The following VSNL1 variants were observed in gnomAD, a reference collection of about 807,000 sequenced individuals.
VSNL1 encodes the protein visinin-like protein 1.
In VSNL1, 6 loss-of-function variants were observed where a neutral mutation model predicts 20.4. That is an observed-to-expected ratio of 0.29 (90% CI 0.16 to 0.58). The LOEUF (loss-of-function observed/expected upper bound fraction) is 0.58, where lower values mean the gene tolerates loss of function less well. VSNL1 is among the 20% of genes least tolerant of loss of function. The pLI is 0.90. For missense variants in VSNL1, 100 were observed against 234.5 expected (o/e 0.43, Z 3.75); for synonymous variants, 93 against 86.4 (o/e 1.08, Z -0.42).
intron 2 of VSNL1, among the ~76,000 whole-genome samples, chr2:17,641,675 T>C (rs905144782): frequency 3.9e-5 from 6 of 152,200 alleles, no homozygotes; most frequent in African/African-American, 1.4e-4. Context: ...TCTGTGACAT[T>C]TCCAATGGAG....
At chr2:17,572,146 G>A (rs1055211088) in intron 1 of VSNL1, among the ~76,000 whole-genome samples, 23 of 152,140 alleles carry the variant, frequency 1.5e-4, no homozygotes, top group African/African-American at 5.3e-4. Flanking sequence ...CACTCTCAAA[G>A]TATGCTTTTT....
intron 1 of VSNL1, among the ~76,000 whole-genome samples, chr2:17,582,734 G>T (rs1664379731): frequency 6.6e-6 from 1 of 151,958 alleles, no homozygotes; most frequent in East Asian, 2.0e-4. Context: ...TGTTTGCATA[G>T]TATGTTGAGT....
At chr2:17,567,408 G>C (rs1041854000) in intron 1 of VSNL1, 1 of 140,488 alleles carries the variant, frequency 7.1e-6, no homozygotes, top group Non-Finnish European at 1.5e-5. Flanking sequence ...GCCCAGGCTG[G>C]AGTGCGGTGG....
chr2:17,584,155 T>C (rs1664413805), intron 1 of VSNL1, among the ~76,000 whole-genome samples: 1 of 152,126 alleles, frequency 6.6e-6, no homozygotes, highest in Non-Finnish European at 1.5e-5. Context: ...ACCCTAAGAC[T>C]GACTCCAGCA....
intron 2 of VSNL1, among the ~76,000 whole-genome samples, chr2:17,624,315 T>C (rs1665453737): frequency 6.6e-6 from 1 of 152,234 alleles, no homozygotes; most frequent in African/African-American, 2.4e-5. Context: ...CTCATCTCTC[T>C]GTGCCTTTTG....
At chr2:17,581,347 T>G (rs993044923) in intron 1 of VSNL1, among the ~76,000 whole-genome samples, 1 of 152,192 alleles carries the variant, frequency 6.6e-6, no homozygotes, top group Admixed American at 6.5e-5. Flanking sequence ...ATTTGTACAT[T>G]TGTGTGTTTT....
At chr2:17,546,023 G>A (rs1663398136) in intron 1 of VSNL1, 1 of 151,778 alleles carries the variant, frequency 6.6e-6, no homozygotes, top group South Asian at 2.1e-4. Context: ...ATTATTTCCA[G>A]GTGAGCATTC....
At position 17,649,486 on chromosome 2, in the gene VSNL1, T is replaced by C; in HGVS notation, c.239T>C (p.Ile80Thr). Residue 80 changes from isoleucine (I) to threonine (T), a missense_variant, in exon 3 of 4, where the codon ATT becomes ACT. Physicochemically the swap from Ile to Thr is moderately conservative, Grantham distance 89. Coordinates refer to ENST00000295156, the MANE Select transcript of VSNL1 (RefSeq NM_003385.5). This position sits in a 1 kb window ranked among gnomAD's most constrained non-coding sequence, Gnocchi z 6.4. ...TTCGACAAGAATGGGGACGGCACCA[T>C]TGACTTCCGAGAGTTCATCTGCGCT... is the stretch of plus-strand genomic sequence containing the variant. ...RTFDKNGDGT[I>T]DFREFICALS... 1 of 1,614,186 alleles carries C rather than the reference T, an allele frequency of 6.2e-7. No homozygotes were observed. The highest frequency in any genetic ancestry group is 8.5e-7 in the Non-Finnish European group (1 of 1,180,022).
At chr2:17,580,637 C>A (rs1356751054) in intron 1 of VSNL1, among the ~76,000 whole-genome samples, 1 of 152,202 alleles carries the variant, frequency 6.6e-6, no homozygotes, top group Non-Finnish European at 1.5e-5. Flanking sequence ...AAAGTTTCTG[C>A]CTCACCTAAT....
intron 2 of VSNL1, among the ~76,000 whole-genome samples, chr2:17,609,406 G>C (rs1410232091): frequency 2.0e-5 from 3 of 152,190 alleles, no homozygotes; most frequent in Non-Finnish European, 4.4e-5. Flanking sequence ...ATTTTGGTTG[G>C]CCACATGTTC....
chr2:17,571,845 C>G (rs1046469803), intron 1 of VSNL1, among the ~76,000 whole-genome samples: 2 of 152,138 alleles, frequency 1.3e-5, no homozygotes, highest in Non-Finnish European at 2.9e-5. Flanking sequence ...CCAGAAAGAC[C>G]TGACAGGTCA....
At chr2:17,562,922 A>G (rs1275870787) in intron 1 of VSNL1, among the ~76,000 whole-genome samples, 2 of 152,128 alleles carry the variant, frequency 1.3e-5, no homozygotes, top group African/African-American at 4.8e-5. Flanking sequence ...AGTTCTTCCA[A>G]CTATCCAACC....
intron 2 of VSNL1, among the ~76,000 whole-genome samples, chr2:17,592,539 T>C: frequency 6.6e-6 from 1 of 151,920 alleles, no homozygotes; most frequent in East Asian, 1.9e-4. Flanking sequence ...TGATAATTAT[T>C]GACAGTTTGC....
chr2:17,543,599 G>C (rs1663342621), intron 1 of VSNL1, among the ~76,000 whole-genome samples: 1 of 152,218 alleles, frequency 6.6e-6, no homozygotes, highest in African/African-American at 2.4e-5. Context: ...AGAAGGGAAA[G>C]GGAAGGGACA....
chr2:17,577,541 A>G (rs1232817190), intron 1 of VSNL1, among the ~76,000 whole-genome samples: 1 of 152,152 alleles, frequency 6.6e-6, no homozygotes, highest in Non-Finnish European at 1.5e-5. Context: ...TTTTGTGCCC[A>G]TAAATTCTGC....
chr2:17,553,575 A>C (rs1057331464), intron 1 of VSNL1, among the ~76,000 whole-genome samples: 1 of 152,170 alleles, frequency 6.6e-6, no homozygotes, highest in Non-Finnish European at 1.5e-5. Context: ...TCTGGTTCTT[A>C]GGGTGTAAAA....
chr2:17,565,283 C>T (rs1041565697), intron 1 of VSNL1, among the ~76,000 whole-genome samples: 8 of 151,974 alleles, frequency 5.3e-5, no homozygotes, highest in Admixed American at 6.6e-5. Flanking sequence ...CAGAAAAATT[C>T]GGAGAATTAT....
intron 2 of VSNL1, among the ~76,000 whole-genome samples, chr2:17,629,189 G>A (rs892461062): frequency 1.3e-5 from 2 of 152,210 alleles, no homozygotes; most frequent in African/African-American, 4.8e-5. Flanking sequence ...GGTCCCTTAA[G>A]GCTCAGGGTT....
intron 1 of VSNL1, among the ~76,000 whole-genome samples, chr2:17,575,774 A>G (rs1664197131): frequency 6.6e-6 from 1 of 152,006 alleles, no homozygotes; most frequent in Non-Finnish European, 1.5e-5. Context: ...TGACCTTGTG[A>G]TCTGCCTGCC....
Sources: gnomAD v4.1 joint callset for allele counts (sites outside exome capture counted in the v4.1 genomes callset) on GRCh38, gnomAD v4.1.1 for gene constraint, Gnocchi (gnomAD v3.1) non-coding constraint, MANE v1.5 for transcripts, NCBI Gene and HGNC (gene_info 2026-07-23, HGNC 2026-07-21) for gene names.